Variants in DNAH8 observed in about 807,000 individuals in gnomAD.
DNAH8 encodes the protein dynein axonemal heavy chain 8.
In DNAH8, 382 loss-of-function variants were observed where a neutral mutation model predicts 562.1. The observed-to-expected ratio is 0.68, with a 90% CI of 0.63 to 0.74. The LOEUF (loss-of-function observed/expected upper bound fraction) is 0.74, where lower values mean the gene tolerates loss of function less well. Ranked by LOEUF, DNAH8 falls within the 30% of genes least tolerant of loss-of-function variation. The pLI is 0.00. For missense variants in DNAH8, 5,203 were observed against 5,620.4 expected (o/e 0.93, Z 2.37); for synonymous variants, 1,881 against 1,919.4 (o/e 0.98, Z 0.52).
intron 88 of DNAH8, among the ~76,000 whole-genome samples, chr6:38,993,929 C>T (rs1222665313): frequency 6.6e-6 from 1 of 152,078 alleles, no homozygotes; most frequent in African/African-American, 2.4e-5. Context: ...GATGTATTTT[C>T]AGGGTAAATT....
At chr6:38,845,932 A>T (rs943220659) in intron 36 of DNAH8, among the ~76,000 whole-genome samples, 159 bp downstream of exon 36, 1 of 152,026 alleles carries the variant, frequency 6.6e-6, no homozygotes, top group Non-Finnish European at 1.5e-5. Context: ...TTCCCTAATA[A>T]TCATGGCCTC....
intron 37 of DNAH8, among the ~76,000 whole-genome samples, chr6:38,849,028 A>G (rs1013153874): frequency 1.2e-4 from 19 of 152,128 alleles, no homozygotes; most frequent in Non-Finnish European, 2.2e-4. Context: ...AGCAGAGTTG[A>G]GTAGTTATAA....
intron 49 of DNAH8, 89 bp downstream of exon 49, chr6:38,870,651 T>C: frequency 3.9e-6 from 5 of 1,273,276 alleles, no homozygotes; most frequent in Non-Finnish European, 5.5e-6. Flanking sequence ...TTAGTCTTAC[T>C]TGATGTAAAT....
intron 82 of DNAH8, among the ~76,000 whole-genome samples, chr6:38,971,046 G>A (rs1018410075): frequency 5.3e-5 from 8 of 152,064 alleles, no homozygotes; most frequent in East Asian, 3.9e-4. Flanking sequence ...GAATGTACCC[G>A]TCACAGGGCT....
At chr6:38,997,294 C>T (rs1349131028) in intron 88 of DNAH8, among the ~76,000 whole-genome samples, 2 of 152,180 alleles carry the variant, frequency 1.3e-5, no homozygotes, top group Non-Finnish European at 2.9e-5. Context: ...ACGCCCCTTG[C>T]TGTTCCCCCA....
rs776015759 is a variant in DNAH8, at chr6:38,848,769, G to C, written c.5167G>C (p.Val1723Leu). ...NLWVYLEAVFVGGDIAKQLPQ... is the reference protein window; with the variant it reads ...NLWVYLEAVFLGGDIAKQLPQ... Reference sequence around the variant, plus strand: ...TTGGGTTTATCTTGAAGCCGTCTTTGTAGGTGGAGATATTGCCAAACAGCT... The same window carrying C: ...TTGGGTTTATCTTGAAGCCGTCTTTCTAGGTGGAGATATTGCCAAACAGCT... Residue 1723 changes from valine (V) to leucine (L), a missense_variant, in exon 37 of 93, where the codon GTA becomes CTA. This residue lies in a region of DNAH8 where 2,176 missense variants were observed against 2,365.1 expected (regional missense o/e 0.92). Transcript: ENST00000327475. 2.4e-5 allele frequency: 39 copies of C among 1,613,502 alleles called. No individual in the cohort carries two copies. In the South Asian group the frequency reaches 4.0e-4, roughly 16 times the overall value.
chr6:38,909,822 C>A (rs1221527165), intron 65 of DNAH8, 78 bp downstream of exon 65: 4 of 1,169,400 alleles, frequency 3.4e-6, no homozygotes, highest in Non-Finnish European at 3.7e-6. Context: ...TAACATCCAG[C>A]AGAAGACTCT....
chr6:38,873,759 C>CACATACACAA (rs1777673150), intron 52 of DNAH8, among the ~76,000 whole-genome samples: 1 of 52,148 alleles, frequency 1.9e-5, no homozygotes, highest in Admixed American at 2.7e-4. Flanking sequence ...CACACACACA[C>CACATACACAA]ACACACACAC....
At position 38,870,423 on chromosome 6, in the gene DNAH8, TC is replaced by T; in HGVS notation, c.6853del (p.Leu2285SerfsTer3). On this transcript the variant is annotated frameshift_variant, in exon 49 of 93. Transcript: ENST00000327475. LOFTEE classifies it high-confidence loss of function. ...TAGGTTGATGAAGATGAACCCCTGT[TC>T]CTCAGCTTAATCAATGACCTGTTCC... ...SKLVDEDEPL[F>X]LSLINDLFPG... 1 of 1,613,816 alleles carries T rather than the reference TC, an allele frequency of 6.2e-7. No individual in the cohort carries two copies. Among genetic ancestry groups the T allele is most frequent in the East Asian group, 2.2e-5 (1 of 44,846 alleles).
intron 91 of DNAH8, among the ~76,000 whole-genome samples, chr6:39,016,231 A>G (rs1766556361): frequency 6.6e-6 from 1 of 151,384 alleles, no homozygotes; most frequent in African/African-American, 2.4e-5. Context: ...TTGGTTCAAA[A>G]CATTTAAGTA....
intron 24 of DNAH8, among the ~76,000 whole-genome samples, chr6:38,810,162 A>G (rs1230522303): frequency 2.0e-5 from 3 of 152,092 alleles, no homozygotes; most frequent in African/African-American, 7.2e-5. Context: ...TCTTCTCAAC[A>G]TTCTTTTTCT....
chr6:38,786,464 G>T (rs1330651520), intron 17 of DNAH8, among the ~76,000 whole-genome samples: 2 of 152,160 alleles, frequency 1.3e-5, no homozygotes, highest in East Asian at 3.8e-4. Context: ...AAGATAAACT[G>T]ACATAGACCT....
At chr6:38,837,795 A>G (rs1177957760) in intron 32 of DNAH8, 147 bp from the exon 33 acceptor site, 4 of 572,084 alleles carry the variant, frequency 7.0e-6, no homozygotes, top group South Asian at 2.3e-5. Context: ...ATAGCTTGGT[A>G]TCAGTATAAA....
chr6:38,887,939 C>T (rs539618167), intron 57 of DNAH8, among the ~76,000 whole-genome samples: 71 of 147,078 alleles, frequency 4.8e-4, no homozygotes, highest in Admixed American at 8.5e-4. Flanking sequence ...TGGGTTCAAG[C>T]GATTCTCCTG....
Position 38,896,077 on chromosome 6 carries a change from C to G in DNAH8, c.8792C>G (p.Thr2931Ser), listed in dbSNP as rs372046397. The G allele has an allele frequency of 4.3e-6, 7 of 1,613,894 alleles. No individual in the cohort carries two copies. In the African/African-American group the frequency reaches 6.7e-5, roughly 15 times the overall value. Residue 2931 changes from threonine to serine, a missense_variant, in exon 60 of 93, where the codon ACT becomes AGT. Around this residue, in one of 6 missense-constraint regions of DNAH8, gnomAD observed 977 missense variants for 1,061.8 expected, o/e 0.92. Coordinates refer to ENST00000327475, the MANE Select transcript of DNAH8 (RefSeq NM_001206927.2). ...GAGCAGTGGTTTAATGCACATCTTA[C>G]TCGTGCAGTTGAAGAAAATATTGGC... ...EDEQWFNAHL[T>S]RAVEENIGSD...
chr6:38,762,989 C>T (rs1174356044), intron 11 of DNAH8: 3 of 386,532 alleles, frequency 7.8e-6, no homozygotes, highest in Non-Finnish European at 1.5e-5. Context: ...TTATGCAGTT[C>T]TTGGACTTAG....
chr6:38,988,158 C>T (rs1268570734), intron 87 of DNAH8, among the ~76,000 whole-genome samples: 3 of 152,180 alleles, frequency 2.0e-5, no homozygotes, highest in Admixed American at 6.5e-5. Flanking sequence ...ACCTTGTTTT[C>T]TCTGTTCTCA....
At chr6:38,756,196 TC>T in intron 10 of DNAH8, 117 bp downstream of exon 10, 2 of 693,224 alleles carry the variant, frequency 2.9e-6, no homozygotes, top group Non-Finnish European at 2.6e-6. Flanking sequence ...TTTTAATACT[TC>T]CAGTGGACAA....
intron 5 of DNAH8, among the ~76,000 whole-genome samples, chr6:38,734,832 C>T (rs2127578940): frequency 1.3e-5 from 2 of 152,240 alleles, no homozygotes; most frequent in Middle Eastern, 6.8e-3. Context: ...CTTTCAATTT[C>T]ATGAAAATTT....
Sources: allele counts gnomAD v4.1 joint callset (sites outside exome capture counted in the v4.1 genomes callset), GRCh38; gene constraint gnomAD v4.1.1; regional missense constraint gnomAD v4.1.1; transcripts MANE v1.5; gene names NCBI Gene and HGNC (gene_info 2026-07-23, HGNC 2026-07-21).